The following NBAS variants were observed in gnomAD, a reference collection of about 807,000 sequenced individuals.
NBAS encodes the protein NAG/BC035112 fusion.
A neutral mutation model predicts 302.5 loss-of-function variants in NBAS; 219 were observed. That is an observed-to-expected ratio of 0.72 (90% CI 0.65 to 0.81). The LOEUF (loss-of-function observed/expected upper bound fraction) is 0.81, where lower values mean the gene tolerates loss of function less well. NBAS is among the 30% of genes least tolerant of loss of function. The probability of loss-of-function intolerance (pLI) is 0.00; values close to 1 mark genes in which losing one functional copy is unlikely to be tolerated. For synonymous variants in NBAS, 1,118 were observed against 1,021.6 expected, an observed-to-expected ratio of 1.09 and a Z score of -1.80; for missense variants, 2,932 against 2,841.6, an observed-to-expected ratio of 1.03 and a Z score of -0.72.
intron 16 of NBAS, among the ~76,000 whole-genome samples, chr2:15,469,118 G>T (rs1239247351): frequency 6.6e-6 from 1 of 152,056 alleles, no homozygotes; most frequent in African/African-American, 2.4e-5. Context: ...CTTGCTAGTG[G>T]TCTATCAATT....
chr2:15,075,865 G>A, the NBAS span, among the ~76,000 whole-genome samples: 1 of 151,986 alleles, frequency 6.6e-6, no homozygotes, highest in Non-Finnish European at 1.5e-5. Context: ...GAAGTTGGTT[G>A]GTAAAAATTG....
chr2:15,154,266 A>G, the NBAS span, among the ~76,000 whole-genome samples: 1 of 152,244 alleles, frequency 6.6e-6, no homozygotes, highest in South Asian at 2.1e-4. Flanking sequence ...ACAGATGGAA[A>G]TGAGTTTCAT....
At chr2:14,948,262 G>T in the NBAS span, among the ~76,000 whole-genome samples, 3 of 151,928 alleles carry the variant, frequency 2.0e-5, no homozygotes, top group Non-Finnish European at 4.4e-5. Context: ...ATCTTTTTGT[G>T]GAGTTTGAGT....
intron 40 of NBAS, among the ~76,000 whole-genome samples, chr2:15,302,658 G>A (rs992702272): frequency 6.6e-6 from 1 of 152,206 alleles, no homozygotes; most frequent in African/African-American, 2.4e-5. Context: ...TTTGATAGAT[G>A]TGATGGTTAA....
At chr2:15,090,895 G>C in the NBAS span, among the ~76,000 whole-genome samples, 2 of 152,172 alleles carry the variant, frequency 1.3e-5, no homozygotes, top group African/African-American at 4.8e-5. Context: ...ATCGTGAAGA[G>C]AATGCTTAGG....
At chr2:15,239,267 T>A (rs926350975) in intron 44 of NBAS, among the ~76,000 whole-genome samples, 4 of 152,058 alleles carry the variant, frequency 2.6e-5, no homozygotes, top group African/African-American at 9.7e-5. Context: ...AGATAATGTT[T>A]ACATTAAACT....
Position 15,172,723 on chromosome 2 carries a change from T to C in NBAS, c.6841-5400A>G, listed in dbSNP as rs542171028. 1.4e-4 allele frequency among the ~76,000 whole-genome samples: 22 copies of C among 152,334 alleles called. No homozygotes were observed. The South Asian group carries it at 3.5e-3, about 24-fold the overall frequency. Reference sequence around the variant, plus strand: ...GAAAATATATTCTGTCATTTTTGGATGCGGTTTGGATGTGAGAAATAAATA... The same window carrying C: ...GAAAATATATTCTGTCATTTTTGGACGCGGTTTGGATGTGAGAAATAAATA... On this transcript the variant is annotated intron_variant, in intron 51 of 51. Transcript: ENST00000281513.
chr2:14,906,572 GC>G, the NBAS span, among the ~76,000 whole-genome samples: 3 of 152,120 alleles, frequency 2.0e-5, no homozygotes, highest in Admixed American at 1.3e-4. Flanking sequence ...GCCTTGCTCT[GC>G]CCTAGAGAGT....
the NBAS span, among the ~76,000 whole-genome samples, chr2:14,997,091 G>A: frequency 3.6e-4 from 55 of 152,032 alleles, 1 homozygote; most frequent in African/African-American, 1.1e-3. Context: ...CTAAATTATC[G>A]GAGCTCCATG....
the NBAS span, among the ~76,000 whole-genome samples, chr2:14,934,234 T>C: frequency 1.6e-4 from 25 of 152,210 alleles, no homozygotes; most frequent in Non-Finnish European, 3.2e-4. Flanking sequence ...TATTAATAGC[T>C]AGTTGTGAAA....
chr2:14,816,478 GGTTGGAGACTGCTGGCTTAGAA>G, the NBAS span, among the ~76,000 whole-genome samples: 1 of 152,216 alleles, frequency 6.6e-6, no homozygotes, highest in South Asian at 2.1e-4. Context: ...GTGCCAAAAA[GGTTGGAGACTGCTGGCTTAGAA>G]GTTTTCTTGG....
At position 15,525,348 on chromosome 2, in the gene NBAS, T is replaced by A. The variant is rs546573916; in HGVS notation, c.746+9195A>T. 2.6e-5 allele frequency among the ~76,000 whole-genome samples: 4 copies of A among 152,322 alleles called. No homozygotes were observed. The South Asian group carries it at 8.3e-4, about 32-fold the overall frequency. The stretch of plus-strand genomic sequence containing the variant: ...CCTTGGTGCTTGAAGAACTATGGTC[T>A]GTGCCCAGTACAGTGCCAGAAAAAT... On this transcript the variant is annotated intron_variant, in intron 9 of 51. Coordinates refer to ENST00000281513, the MANE Select transcript of NBAS (RefSeq NM_015909.4).
intron 25 of NBAS, among the ~76,000 whole-genome samples, chr2:15,408,472 T>C (rs1676529210): frequency 6.6e-6 from 1 of 152,256 alleles, no homozygotes. Flanking sequence ...CCCCACTCTT[T>C]ATCATTCCCT....
chr2:15,044,213 G>C, the NBAS span, among the ~76,000 whole-genome samples: 1 of 152,008 alleles, frequency 6.6e-6, no homozygotes, highest in Non-Finnish European at 1.5e-5. Flanking sequence ...GACAGAATTT[G>C]CATTCTGTAA....
At chr2:15,445,198 A>G (rs1678661775) in intron 21 of NBAS, among the ~76,000 whole-genome samples, 1 of 150,956 alleles carries the variant, frequency 6.6e-6, no homozygotes, top group Admixed American at 6.6e-5. Context: ...ATAAAGACAC[A>G]TGCACATGTA....
At chr2:15,431,748 C>T (rs1325102694) in intron 21 of NBAS, among the ~76,000 whole-genome samples, 3 of 152,026 alleles carry the variant, frequency 2.0e-5, no homozygotes, top group South Asian at 4.1e-4. Context: ...TTTCCTAATA[C>T]ATATTATTAA....
chr2:15,358,007 T>C lies in NBAS; in HGVS notation c.3818-1591A>G, dbSNP rs189328358. On this transcript the variant is annotated intron_variant, in intron 32 of 51. Transcript: ENST00000281513. ...TCTGGGAAATGGACTTAAGAAAATC[T>C]AAATATCAAACTAAGGTTGTGGAGT... 3.9e-5 allele frequency among the ~76,000 whole-genome samples: 6 copies of C among 152,246 alleles called. No individual in the cohort carries two copies. The East Asian group carries it at 1.2e-3, about 29-fold the overall frequency.
chr2:15,413,361 A>G (rs1676773391), intron 25 of NBAS, among the ~76,000 whole-genome samples: 1 of 152,218 alleles, frequency 6.6e-6, no homozygotes, highest in Admixed American at 6.5e-5. Flanking sequence ...GAAGATATAT[A>G]CAGAAAGCAA....
At chr2:15,262,884 G>A (rs375159231) in intron 44 of NBAS, among the ~76,000 whole-genome samples, 2 of 152,184 alleles carry the variant, frequency 1.3e-5, no homozygotes, top group African/African-American at 4.8e-5. Context: ...AACTCTGCGA[G>A]GTGATTCAGT....
Sources: gnomAD v4.1 joint callset for allele counts (sites outside exome capture counted in the v4.1 genomes callset) on GRCh38, gnomAD v4.1.1 for gene constraint, MANE v1.5 for transcripts, NCBI Gene and HGNC (gene_info 2026-07-23, HGNC 2026-07-21) for gene names.